The following POLR2B variants were observed in gnomAD, a reference collection of about 807,000 sequenced individuals.
The protein encoded by POLR2B is DNA-directed RNA polymerase II subunit RPB2.
A neutral mutation model predicts 144.6 loss-of-function variants in POLR2B; 57 were observed. The ratio of observed to expected loss-of-function variants is 0.39; its 90% CI spans 0.32 to 0.49. The LOEUF (loss-of-function observed/expected upper bound fraction) is 0.49. POLR2B is among the 20% of genes least tolerant of loss of function. The probability of loss-of-function intolerance (pLI) is 0.83; values close to 1 mark genes in which losing one functional copy is unlikely to be tolerated. For synonymous variants in POLR2B, 442 were observed against 469.8 expected (o/e 0.94, Z 0.77); for missense variants, 595 against 1,467.4 (o/e 0.41, Z 9.71).
At chr4:56,987,588 G>C (rs1722372099) in intron 2 of POLR2B, among the ~76,000 whole-genome samples, 1 of 152,152 alleles carries the variant, frequency 6.6e-6, no homozygotes. Flanking sequence ...AACCTTTCTT[G>C]AACGTTGTTT....
At chr4:57,003,394 C>T (rs1033958466) in intron 7 of POLR2B, among the ~76,000 whole-genome samples, 10 of 151,332 alleles carry the variant, frequency 6.6e-5, no homozygotes, top group Admixed American at 4.0e-4. Flanking sequence ...CACGTCACTG[C>T]ACTCCAGCCT....
intron 6 of POLR2B, among the ~76,000 whole-genome samples, chr4:56,999,212 CTTTT>C (rs34081589): frequency 3.7e-4 from 46 of 124,768 alleles, no homozygotes; most frequent in Admixed American, 1.9e-3. Flanking sequence ...TGTATTGTCT[CTTTT>C]TTTTTTTTTT....
intron 23 of POLR2B, among the ~76,000 whole-genome samples, chr4:57,026,655 C>G (rs568758975): frequency 2.4e-4 from 37 of 152,002 alleles, no homozygotes; most frequent in Non-Finnish European, 4.3e-4. Context: ...CCCAGCTACT[C>G]GGGAGCCTGA....
At chr4:56,997,627 A>G (rs777737947) in intron 6 of POLR2B, among the ~76,000 whole-genome samples, 1 of 152,232 alleles carries the variant, frequency 6.6e-6, no homozygotes, top group Non-Finnish European at 1.5e-5. Flanking sequence ...GCAGAGAGAA[A>G]CTGGAAGGAC....
chr4:57,017,607 A>C lies in POLR2B; in HGVS notation c.2202A>C (p.Gly734=). 1 of 1,613,824 alleles carries C rather than the reference A, an allele frequency of 6.2e-7. No homozygotes were observed. Among genetic ancestry groups the C allele is most frequent in the Non-Finnish European group, 8.5e-7 (1 of 1,179,764 alleles). The part of the protein sequence containing the change: ...YQSAMGKQAM[G]VYITNFHVRM... ...CTGCTATGGGTAAGCAGGCTATGGGAGTTTACATCACCAACTTCCATGTTC... is the reference window on the plus strand; with the variant it reads ...CTGCTATGGGTAAGCAGGCTATGGGCGTTTACATCACCAACTTCCATGTTC... The change falls in exon 16 of 25, where the codon GGA becomes GGC. Residue 734 remains glycine (G), a synonymous_variant. Transcript: ENST00000314595. The surrounding 1 kb of genome is among the most constrained non-coding windows in gnomAD (Gnocchi z 4.8).
At chr4:57,010,297 C>T (rs1723148669) in intron 10 of POLR2B, 64 bp from the exon 11 acceptor site, 2 of 1,389,660 alleles carry the variant, frequency 1.4e-6, no homozygotes, top group Non-Finnish European at 2.0e-6. Flanking sequence ...TATGACTTTG[C>T]CTCAGTGTAA....
intron 7 of POLR2B, among the ~76,000 whole-genome samples, chr4:57,004,971 C>G (rs1487299753): frequency 6.6e-6 from 1 of 152,182 alleles, no homozygotes; most frequent in Middle Eastern, 3.2e-3. Flanking sequence ...AGGCATGAGC[C>G]ACTGCTCCTG....
intron 16 of POLR2B, among the ~76,000 whole-genome samples, chr4:57,019,850 T>C (rs1240358390): frequency 6.6e-6 from 1 of 151,826 alleles, no homozygotes; most frequent in East Asian, 1.9e-4. Context: ...AATCCAGGAT[T>C]GTGCATTGCA....
intron 7 of POLR2B, among the ~76,000 whole-genome samples, chr4:57,001,874 A>G (rs918673681): frequency 2.8e-4 from 42 of 152,342 alleles, no homozygotes; most frequent in African/African-American, 9.6e-4. Flanking sequence ...GCTTAAGACT[A>G]CAGAGAAATC....
In POLR2B at chr4:57,030,959, A is replaced by G; in HGVS notation, c.3496A>G (p.Ser1166Gly). 1.2e-6 allele frequency: 2 copies of G among 1,600,884 alleles called. No homozygotes were observed. Among genetic ancestry groups the G allele is most frequent in the South Asian group, 2.2e-5 (2 of 90,832 alleles). Residue 1166 changes from serine to glycine, a missense_variant, in exon 25 of 25, where the codon AGT becomes GGT. Transcript: ENST00000314595. Reference protein sequence around the residue: ...KLLFQELMSMSIAPRMMSV With the variant: ...KLLFQELMSMGIAPRMMSV The stretch of plus-strand genomic sequence containing the variant: ...ATTGTTTCAGGAACTTATGTCTATG[A>G]GTATTGCACCGCGAATGATGAGTGT...
chr4:56,991,568 A>C (rs910096249), intron 3 of POLR2B, among the ~76,000 whole-genome samples: 5 of 151,974 alleles, frequency 3.3e-5, no homozygotes, highest in African/African-American at 1.2e-4. Flanking sequence ...AAGCCCCCAA[A>C]ATAGAGCTAG....
intron 23 of POLR2B, among the ~76,000 whole-genome samples, chr4:57,026,633 C>T (rs757696356): frequency 2.0e-5 from 3 of 151,932 alleles, no homozygotes; most frequent in Non-Finnish European, 4.4e-5. Context: ...CGTGGTGGCT[C>T]ACACCTGTAA....
Position 57,025,409 on chromosome 4 carries a change from C to T in POLR2B, c.3111C>T (p.Ile1037=), listed in dbSNP as rs1255996129. The change falls in exon 23 of 25, where the codon ATC becomes ATT. Residue 1037 remains isoleucine, a synonymous_variant. Transcript: ENST00000314595. The stretch of plus-strand genomic sequence containing the variant: ...ACAATGGGTTCACTGGTCGAAAAAT[C>T]ACATCACAAATATTTATTGGCCCCA... ...VLYNGFTGRK[I]TSQIFIGPTY... The T allele has an allele frequency of 6.2e-7, 1 of 1,613,426 alleles. No homozygotes were observed. The highest frequency in any genetic ancestry group is 1.1e-5 in the South Asian group (1 of 91,058).
At chr4:56,980,813 C>CTT (rs750717935) in intron 1 of POLR2B, among the ~76,000 whole-genome samples, 4 of 143,730 alleles carry the variant, frequency 2.8e-5, no homozygotes, top group African/African-American at 5.1e-5. Flanking sequence ...TCCACAGTTT[C>CTT]TTTTTTTTTT....
At chr4:56,995,882 G>A (rs1333192756) in intron 6 of POLR2B, among the ~76,000 whole-genome samples, 2 of 152,196 alleles carry the variant, frequency 1.3e-5, no homozygotes, top group Non-Finnish European at 2.9e-5. Flanking sequence ...TAGAGAGTAC[G>A]AGCAAGGTGG....
intron 16 of POLR2B, 78 bp from the exon 17 acceptor site, chr4:57,020,821 T>C (rs912124374): frequency 2.4e-6 from 2 of 821,764 alleles, no homozygotes; most frequent in African/African-American, 3.4e-5. Context: ...TATGATGTAA[T>C]TAAAGTTGAT....
chr4:57,020,341 A>G (rs28367902), intron 16 of POLR2B, among the ~76,000 whole-genome samples: 2,128 of 152,214 alleles, frequency 0.014, 48 homozygotes, highest in African/African-American at 0.048. Flanking sequence ...CTAAATATCA[A>G]GTTATTTTAT....
At chr4:56,995,487 C>T (rs1722650906) in intron 6 of POLR2B, 78 bp downstream of exon 6, 1 of 1,023,766 alleles carries the variant, frequency 9.8e-7, no homozygotes, top group Non-Finnish European at 1.4e-6. Flanking sequence ...CCTTCTTTGT[C>T]CATAGAAGCT....
chr4:56,986,146 A>C, intron 1 of POLR2B: 1 of 553,888 alleles, frequency 1.8e-6, no homozygotes, highest in East Asian at 3.4e-5. Flanking sequence ...GAACCTTTCT[A>C]ATAAACCTCT....
Sources: allele counts gnomAD v4.1 joint callset (sites outside exome capture counted in the v4.1 genomes callset), GRCh38; gene constraint gnomAD v4.1.1; non-coding constraint Gnocchi (gnomAD v3.1); transcripts MANE v1.5; gene names NCBI Gene and HGNC (gene_info 2026-07-23, HGNC 2026-07-21).